Variants in MEIG1 observed in about 807,000 individuals in gnomAD.
MEIG1 encodes meiosis/spermiogenesis associated 1.
MEIG1 carries 12 observed loss-of-function variants against 11.3 expected under a neutral mutation model. The observed-to-expected ratio is 1.07, with a 90% CI of 0.68 to 1.73. MEIG1 has a LOEUF of 1.73. MEIG1 is among the 40% of genes most tolerant of loss of function. MEIG1 has a pLI of 0.00. For missense variants in MEIG1, 119 were observed against 104.9 expected (o/e 1.13, Z -0.59); for synonymous variants, 41 against 33.2 (o/e 1.24, Z -0.81).
At chr10:14,957,007 T>C (rs1168622953), upstream of MEIG1, among the ~76,000 whole-genome samples, 5 of 152,168 alleles carry the variant, frequency 3.3e-5, no homozygotes, top group African/African-American at 1.2e-4. Flanking sequence ...TGAGCCAAGA[T>C]GGCACCACTG....
intron 1 of MEIG1, among the ~76,000 whole-genome samples, chr10:14,978,177 C>A (rs776719876): frequency 2.0e-5 from 3 of 151,702 alleles, no homozygotes; most frequent in Non-Finnish European, 2.9e-5. Flanking sequence ...CTCGCAATAT[C>A]CACAGGGAAT....
chr10:14,980,662 A>G (rs1843253819), intron 1 of MEIG1, among the ~76,000 whole-genome samples: 1 of 152,126 alleles, frequency 6.6e-6, no homozygotes, highest in African/African-American at 2.4e-5. Context: ...TACTGGAGCA[A>G]AGCGCAGCCT....
At chr10:14,982,609 T>C (rs1239387172) in intron 1 of MEIG1, among the ~76,000 whole-genome samples, 1 of 152,160 alleles carries the variant, frequency 6.6e-6, no homozygotes, top group Non-Finnish European at 1.5e-5. Context: ...CTCCACCACG[T>C]GACCATCCTC....
intron 1 of MEIG1, 122 bp from the exon 2 acceptor site, chr10:14,966,318 T>A: frequency 2.0e-6 from 1 of 498,088 alleles, no homozygotes; most frequent in South Asian, 2.5e-5. Flanking sequence ...TGCCTCAGCC[T>A]CCCAAAGTGC....
upstream of MEIG1, among the ~76,000 whole-genome samples, chr10:14,956,063 C>A (rs540018183): frequency 6.6e-6 from 1 of 152,166 alleles, no homozygotes; most frequent in Non-Finnish European, 1.5e-5. Context: ...ACTTATTTAT[C>A]TCCTCCTCTT....
intron 2 of MEIG1, among the ~76,000 whole-genome samples, chr10:14,967,566 G>A (rs990460815): frequency 1.3e-5 from 2 of 149,950 alleles, no homozygotes; most frequent in Admixed American, 6.7e-5. Context: ...GTGCACTGGC[G>A]CAATCTCGGC....
At chr10:14,980,584 T>C (rs1564509475) in intron 1 of MEIG1, among the ~76,000 whole-genome samples, 1 of 152,156 alleles carries the variant, frequency 6.6e-6, no homozygotes, top group African/African-American at 2.4e-5. Flanking sequence ...CCTCCAGGTG[T>C]TGGCGTAGGG....
At chr10:14,958,477 G>A (rs1031425559), upstream of MEIG1, among the ~76,000 whole-genome samples, 1 of 152,154 alleles carries the variant, frequency 6.6e-6, no homozygotes, top group Non-Finnish European at 1.5e-5. Flanking sequence ...ATTTAACAAC[G>A]AGCTCAGAAA....
chr10:14,980,988 C>T (rs1286702622), intron 1 of MEIG1, among the ~76,000 whole-genome samples: 1 of 152,168 alleles, frequency 6.6e-6, no homozygotes, highest in South Asian at 2.1e-4. Context: ...CTGTCCCGGC[C>T]TGTAGACCTT....
At chr10:14,954,402 G>T (rs972456970), upstream of MEIG1, 25 of 337,048 alleles carry the variant, frequency 7.4e-5, no homozygotes, top group African/African-American at 4.6e-4. Context: ...GTGGGCTGCG[G>T]AACTGCGCTT....
chr10:14,984,006 A>T (rs563579098), intron 1 of MEIG1, among the ~76,000 whole-genome samples: 45 of 152,216 alleles, frequency 3.0e-4, no homozygotes, highest in South Asian at 2.3e-3. Context: ...AACACTCCCG[A>T]GATATTGTTC....
chr10:14,984,245 CA>C (rs111238418), intron 1 of MEIG1, among the ~76,000 whole-genome samples: 94,626 of 149,472 alleles, frequency 0.63, 31,852 homozygotes, highest in African/African-American at 0.88. Context: ...TCGTAATATC[CA>C]GGGTGGGAGA....
At chr10:14,969,169 A>G (rs1843121632) in intron 2 of MEIG1, among the ~76,000 whole-genome samples, 1 of 152,234 alleles carries the variant, frequency 6.6e-6, no homozygotes. Flanking sequence ...ATAGGCGGCC[A>G]GCTGTGGTGG....
chr10:14,954,702 C>T (rs1842891504), upstream of MEIG1, among the ~76,000 whole-genome samples: 1 of 151,906 alleles, frequency 6.6e-6, no homozygotes. Flanking sequence ...CCTTTTTGAG[C>T]TATACTTTTA....
rs749211535 is a variant in MEIG1 at position 14,965,675 on chromosome 10, T to TGAGAGAGAGAGAGAGAGAGAGA, written c.-29-745_-29-724dup. Among the ~76,000 whole-genome samples, 46 of 101,204 alleles carry TGAGAGAGAGAGAGAGAGAGAGA rather than the reference T, an allele frequency of 4.5e-4. 1 individual carries two copies. Among genetic ancestry groups the TGAGAGAGAGAGAGAGAGAGAGA allele is most frequent in the East Asian group, 2.6e-3 (9 of 3,410 alleles). The allele number at this position is 101,204 out of a possible 152,430, so 66.4% of individuals were successfully genotyped here. A position where few individuals can be genotyped will look rare whatever the true frequency, so the allele number is the denominator to read the frequency against. On this transcript the variant is annotated intron_variant, in intron 1 of 2. Coordinates refer to ENST00000407572, the MANE Select transcript of MEIG1 (RefSeq NM_001080836.3). ...GAAGACGGGTCTTACATTCCCTTTTTGAGAGAGAGAGAGAGAGAGAGAGAG... is the reference window on the plus strand; with the variant it reads ...GAAGACGGGTCTTACATTCCCTTTTTGAGAGAGAGAGAGAGAGAGAGAGAGAGAGAGAGAGAGAGAGAGAGAG...
chr10:14,980,287 C>T (rs1843250717), intron 1 of MEIG1, among the ~76,000 whole-genome samples: 2 of 152,186 alleles, frequency 1.3e-5, no homozygotes, highest in African/African-American at 4.8e-5. Flanking sequence ...CCTTATGTCA[C>T]AGCGGTGTAT....
downstream of MEIG1, among the ~76,000 whole-genome samples, chr10:14,975,702 C>T (rs1843202775): frequency 6.6e-6 from 1 of 151,932 alleles, no homozygotes; most frequent in African/African-American, 2.4e-5. Flanking sequence ...AACCCTACTC[C>T]CAATAGCACA....
At chr10:14,985,433 C>T (rs1843309406) in intron 1 of MEIG1, among the ~76,000 whole-genome samples, 1 of 152,030 alleles carries the variant, frequency 6.6e-6, no homozygotes, top group South Asian at 2.1e-4. Flanking sequence ...GGGTGTTACT[C>T]CTAATGTCAT....
At chr10:14,980,474 C>A (rs1019499830) in intron 1 of MEIG1, among the ~76,000 whole-genome samples, 1 of 152,116 alleles carries the variant, frequency 6.6e-6, no homozygotes, top group East Asian at 1.9e-4. Flanking sequence ...CCCCTAATAT[C>A]GCAGGGGCTG....
Sources: gnomAD v4.1 joint callset for allele counts (sites outside exome capture counted in the v4.1 genomes callset) on GRCh38, gnomAD v4.1.1 for gene constraint, MANE v1.5 for transcripts, NCBI Gene and HGNC (gene_info 2026-07-23, HGNC 2026-07-21) for gene names.